The following PPM1H variants were observed in gnomAD, a reference collection of about 807,000 sequenced individuals.
PPM1H encodes the protein protein phosphatase 1H.
Under a neutral mutation model 54.9 loss-of-function variants are expected in PPM1H, and 27 were observed. The observed-to-expected ratio is 0.49, with a 90% CI of 0.36 to 0.68. The LOEUF (loss-of-function observed/expected upper bound fraction) is 0.68. Among genes scored for constraint, PPM1H ranks in the 30% least tolerant of loss-of-function variants. PPM1H has a pLI of 0.00. For synonymous variants in PPM1H, 305 were observed against 270.8 expected, an observed-to-expected ratio of 1.13 and a Z score of -1.24; for missense variants, 596 against 667.8, an observed-to-expected ratio of 0.89 and a Z score of 1.19.
chr12:62,869,070 G>C (rs1869886727), intron 1 of PPM1H, among the ~76,000 whole-genome samples: 1 of 152,252 alleles, frequency 6.6e-6, no homozygotes, highest in East Asian at 1.9e-4. Flanking sequence ...TTGTGCCTCT[G>C]GAGGTACACC....
intron 4 of PPM1H, among the ~76,000 whole-genome samples, chr12:62,742,324 C>T (rs1188533340): frequency 2.6e-5 from 4 of 152,176 alleles, no homozygotes; most frequent in African/African-American, 4.8e-5. Flanking sequence ...ACAGCATGTT[C>T]GACTGCCAAC....
intron 3 of PPM1H, among the ~76,000 whole-genome samples, chr12:62,795,800 C>T (rs2120728063): frequency 6.7e-6 from 1 of 150,238 alleles, no homozygotes; most frequent in Admixed American, 6.6e-5. Flanking sequence ...GATCTCGGCT[C>T]ACTGCGACCT....
intron 3 of PPM1H, among the ~76,000 whole-genome samples, chr12:62,798,447 T>C (rs995871719): frequency 1.3e-5 from 2 of 152,164 alleles, no homozygotes. Context: ...TTTTTCCTAG[T>C]GATTTCCAAT....
At chr12:62,922,104 G>T (rs1443521731) in intron 1 of PPM1H, among the ~76,000 whole-genome samples, 1 of 152,106 alleles carries the variant, frequency 6.6e-6, no homozygotes, top group African/African-American at 2.4e-5. Flanking sequence ...TTTTGACAAG[G>T]TTTGGACTGT....
At chr12:62,905,479 A>G (rs928408569) in intron 1 of PPM1H, among the ~76,000 whole-genome samples, 2 of 152,220 alleles carry the variant, frequency 1.3e-5, no homozygotes, top group Non-Finnish European at 2.9e-5. Context: ...GATATCCCAC[A>G]CATGAAAAAG....
chr12:62,709,114 C>T (rs1436111505), intron 6 of PPM1H, among the ~76,000 whole-genome samples: 1 of 152,212 alleles, frequency 6.6e-6, no homozygotes, highest in Non-Finnish European at 1.5e-5. Context: ...CACTGCTCTA[C>T]ACCCTCTTGC....
intron 6 of PPM1H, among the ~76,000 whole-genome samples, chr12:62,705,715 T>C (rs543214471): frequency 1.3e-5 from 2 of 152,340 alleles, no homozygotes; most frequent in South Asian, 2.1e-4. Context: ...TCCACCGATA[T>C]GAATCAGAGA....
intron 2 of PPM1H, among the ~76,000 whole-genome samples, chr12:62,815,924 A>G (rs1241647930): frequency 6.6e-6 from 1 of 152,214 alleles, no homozygotes; most frequent in Non-Finnish European, 1.5e-5. Context: ...TAAAGAGAAG[A>G]TGATAATTTC....
intron 7 of PPM1H, among the ~76,000 whole-genome samples, chr12:62,690,667 G>A (rs937535660): frequency 1.3e-5 from 2 of 152,152 alleles, no homozygotes; most frequent in Admixed American, 6.5e-5. Flanking sequence ...CTAAGGCCTC[G>A]TCCCTACTAC....
chr12:62,689,135 T>TA (rs1245501971), intron 8 of PPM1H, among the ~76,000 whole-genome samples: 2 of 152,110 alleles, frequency 1.3e-5, no homozygotes, highest in Non-Finnish European at 2.9e-5. Flanking sequence ...GAACTCTCCA[T>TA]AAAAAAGCAT....
At chr12:62,678,662 C>A (rs1019342175) in intron 8 of PPM1H, among the ~76,000 whole-genome samples, 1 of 151,942 alleles carries the variant, frequency 6.6e-6, no homozygotes, top group Non-Finnish European at 1.5e-5. Context: ...TGAGAATATA[C>A]CAGATTCAAA....
At chr12:62,914,699 T>C (rs780567859) in intron 1 of PPM1H, among the ~76,000 whole-genome samples, 2 of 152,222 alleles carry the variant, frequency 1.3e-5, no homozygotes, top group African/African-American at 2.4e-5. Flanking sequence ...ATGACAATTA[T>C]ATGCATCAGC....
chr12:62,656,481 T>C (rs1020432383), intron 9 of PPM1H, among the ~76,000 whole-genome samples: 7 of 152,236 alleles, frequency 4.6e-5, no homozygotes, highest in Admixed American at 1.3e-4. Flanking sequence ...TAGTCTGTTT[T>C]CTGAATCTTT....
At chr12:62,818,815 CTTTTTCTTTTTTTT>C (rs1314056877) in intron 2 of PPM1H, among the ~76,000 whole-genome samples, 1 of 145,352 alleles carries the variant, frequency 6.9e-6, no homozygotes, top group Admixed American at 6.7e-5. Context: ...GTTGCTTTTT[CTTTTTCTTTTTTTT>C]TTTTTTTTTG....
chr12:62,725,976 T>A (rs1028851754), intron 5 of PPM1H, among the ~76,000 whole-genome samples: 4 of 152,228 alleles, frequency 2.6e-5, no homozygotes, highest in African/African-American at 9.6e-5. Flanking sequence ...ACAGGTGGCA[T>A]GATTCATTTT....
At chr12:62,691,126 A>G (rs2076080385) in intron 7 of PPM1H, among the ~76,000 whole-genome samples, 1 of 152,234 alleles carries the variant, frequency 6.6e-6, no homozygotes, top group African/African-American at 2.4e-5. Context: ...AATTCTACTG[A>G]GAAGGCTCCA....
At position 62,755,896 on chromosome 12, in the gene PPM1H, G is replaced by A. The variant is rs74098821; in HGVS notation, c.870-18310C>T. ...AGGTTGTGGGCAAGGTCATCCCTGA[G>A]CTAAATGGGAAGTTCACTGGCATGG... On this transcript the variant is annotated intron_variant, in intron 4 of 9. Transcript: ENST00000228705. The A allele has an allele frequency of 4.0e-3, 3,172 of 784,708 alleles. 84 individuals are homozygous for A. The African/African-American group carries it at 0.049, about 12-fold the overall frequency. 48.6% of individuals were successfully genotyped at this position (784,708 alleles called of 1,614,324 possible).
At chr12:62,676,615 C>T (rs1345907416) in intron 8 of PPM1H, among the ~76,000 whole-genome samples, 1 of 152,148 alleles carries the variant, frequency 6.6e-6, no homozygotes, top group Non-Finnish European at 1.5e-5. Context: ...TGTCGCTGAG[C>T]CTGGTCACTG....
At chr12:62,814,972 T>C (rs2076857052) in intron 2 of PPM1H, among the ~76,000 whole-genome samples, 1 of 152,226 alleles carries the variant, frequency 6.6e-6, no homozygotes, top group Admixed American at 6.5e-5. Flanking sequence ...GTCCAGAGTA[T>C]CTGCTATAGG....
Sources: gnomAD v4.1 joint callset for allele counts (sites outside exome capture counted in the v4.1 genomes callset) on GRCh38, gnomAD v4.1.1 for gene constraint, MANE v1.5 for transcripts, NCBI Gene and HGNC (gene_info 2026-07-23, HGNC 2026-07-21) for gene names.